ZNF385B: variants seen among roughly 807,000 people sequenced by gnomAD.
The protein encoded by ZNF385B is zinc finger protein 385B, also known as zinc finger protein 533.
Under a neutral mutation model 39.2 loss-of-function variants are expected in ZNF385B, and 23 were observed. The observed-to-expected ratio is 0.59, with a 90% CI of 0.42 to 0.83. The LOEUF (loss-of-function observed/expected upper bound fraction) is 0.83, where lower values mean the gene tolerates loss of function less well. Among genes scored for constraint, ZNF385B ranks in the 40% least tolerant of loss-of-function variants. ZNF385B has a pLI of 0.00. For synonymous variants in ZNF385B, 205 were observed against 222.6 expected, an observed-to-expected ratio of 0.92 and a Z score of 0.70; for missense variants, 552 against 598.9, an observed-to-expected ratio of 0.92 and a Z score of 0.82.
intron 6 of ZNF385B, among the ~76,000 whole-genome samples, chr2:179,479,890 T>G (rs939130280): frequency 1.3e-5 from 2 of 152,120 alleles, no homozygotes; most frequent in African/African-American, 4.8e-5. Context: ...ACAAGTTTCT[T>G]GTTGAATACC....
chr2:179,607,338 TGTTCTCATGATAGTGAGAGA>T (rs1269776672), intron 3 of ZNF385B, among the ~76,000 whole-genome samples: 2 of 152,138 alleles, frequency 1.3e-5, no homozygotes, highest in African/African-American at 4.8e-5. Flanking sequence ...TTCCCCATGC[TGTTCTCATGATAGTGAGAGA>T]GTTCTCATGA....
chr2:179,712,208 CT>C (rs1486101745), intron 3 of ZNF385B, among the ~76,000 whole-genome samples: 1 of 152,176 alleles, frequency 6.6e-6, no homozygotes, highest in African/African-American at 2.4e-5. Context: ...CTTTCTCCCA[CT>C]GATAATACTA....
intron 3 of ZNF385B, among the ~76,000 whole-genome samples, chr2:179,633,538 T>G (rs1575043635): frequency 6.6e-6 from 1 of 152,180 alleles, no homozygotes; most frequent in South Asian, 2.1e-4. Flanking sequence ...AATTAGGTAT[T>G]GATGGAATGT....
At chr2:179,840,039 G>C (rs1427206542) in intron 1 of ZNF385B, among the ~76,000 whole-genome samples, 1 of 152,246 alleles carries the variant, frequency 6.6e-6, no homozygotes, top group African/African-American at 2.4e-5. Context: ...GCACAGGGTA[G>C]ACAAGGGTGA....
At chr2:179,527,834 T>G (rs1311541265) in intron 4 of ZNF385B, among the ~76,000 whole-genome samples, 1 of 152,134 alleles carries the variant, frequency 6.6e-6, no homozygotes, top group African/African-American at 2.4e-5. Context: ...TGACATACAG[T>G]GGAGAATAGG....
At chr2:179,479,884 G>A (rs1559303838) in intron 6 of ZNF385B, among the ~76,000 whole-genome samples, 1 of 152,058 alleles carries the variant, frequency 6.6e-6, no homozygotes, top group Non-Finnish European at 1.5e-5. Flanking sequence ...TGGGTCACAA[G>A]TTTCTTGTTG....
chr2:179,817,493 C>T (rs1243480428), intron 1 of ZNF385B, among the ~76,000 whole-genome samples: 1 of 152,214 alleles, frequency 6.6e-6, no homozygotes, highest in African/African-American at 2.4e-5. Context: ...ATTAATTTCA[C>T]TCCAAATGTA....
intron 3 of ZNF385B, among the ~76,000 whole-genome samples, chr2:179,607,374 G>C (rs962918787): frequency 1.3e-5 from 2 of 152,058 alleles, no homozygotes; most frequent in Non-Finnish European, 2.9e-5. Context: ...CATGAGATCT[G>C]ATGGTTTAAA....
chr2:179,593,806 T>A (rs1687771933), intron 3 of ZNF385B, among the ~76,000 whole-genome samples: 1 of 152,196 alleles, frequency 6.6e-6, no homozygotes, highest in Non-Finnish European at 1.5e-5. Flanking sequence ...GTTTAGAGAA[T>A]GAAAGGGGAT....
intron 3 of ZNF385B, among the ~76,000 whole-genome samples, chr2:179,757,537 T>A (rs935992084): frequency 6.6e-6 from 1 of 152,204 alleles, no homozygotes. Context: ...TGCCTTTTGT[T>A]TGGCTATGCC....
chr2:179,502,987 A>G (rs1219985350), intron 5 of ZNF385B, among the ~76,000 whole-genome samples: 1 of 151,900 alleles, frequency 6.6e-6, no homozygotes, highest in Non-Finnish European at 1.5e-5. Flanking sequence ...CAATCTCCCC[A>G]CCTCAGCCTA....
chr2:179,493,710 C>CGTATATACAT (rs2055686815), intron 5 of ZNF385B, among the ~76,000 whole-genome samples: 1 of 51,686 alleles, frequency 1.9e-5, no homozygotes, highest in South Asian at 6.2e-4. Context: ...TATGTATACA[C>CGTATATACAT]ATATGCATAT....
At chr2:179,813,694 T>C (rs1011302512) in intron 1 of ZNF385B, among the ~76,000 whole-genome samples, 1 of 152,176 alleles carries the variant, frequency 6.6e-6, no homozygotes, top group African/African-American at 2.4e-5. Flanking sequence ...GCAAGGACTG[T>C]CTCATAAAGC....
At chr2:179,684,007 C>T (rs767227735) in intron 3 of ZNF385B, among the ~76,000 whole-genome samples, 7 of 151,950 alleles carry the variant, frequency 4.6e-5, no homozygotes, top group African/African-American at 1.7e-4. Context: ...AAATAAGAAA[C>T]GTTATAAATT....
At chr2:179,858,821 A>C (rs1213821207) in intron 1 of ZNF385B, among the ~76,000 whole-genome samples, 2 of 152,242 alleles carry the variant, frequency 1.3e-5, no homozygotes, top group Non-Finnish European at 2.9e-5. Context: ...ATGTGAACAA[A>C]GACTCACTCC....
intron 9 of ZNF385B, among the ~76,000 whole-genome samples, chr2:179,444,185 CAG>C (rs969531431): frequency 6.6e-5 from 10 of 152,348 alleles, no homozygotes; most frequent in Non-Finnish European, 1.5e-4. Context: ...CAGCATCAGA[CAG>C]AGGCTTTGGA....
At chr2:179,493,759 ATATG>A (rs1379808335) in intron 5 of ZNF385B, among the ~76,000 whole-genome samples, 1 of 88,394 alleles carries the variant, frequency 1.1e-5, no homozygotes, top group Non-Finnish European at 2.6e-5. Flanking sequence ...GTATATACAT[ATATG>A]TATACATATA....
At chr2:179,753,862 A>G (rs1185478455) in intron 3 of ZNF385B, among the ~76,000 whole-genome samples, 5 of 152,204 alleles carry the variant, frequency 3.3e-5, no homozygotes, top group Admixed American at 1.3e-4. Flanking sequence ...TAAAGACACA[A>G]TCATGTCATC....
intron 6 of ZNF385B, among the ~76,000 whole-genome samples, chr2:179,454,599 C>G (rs2105439281): frequency 6.6e-6 from 1 of 152,200 alleles, no homozygotes; most frequent in Non-Finnish European, 1.5e-5. Context: ...TATGACAGCT[C>G]CACTGTGTAA....
Sources: gnomAD v4.1 joint callset for allele counts (sites outside exome capture counted in the v4.1 genomes callset) on GRCh38, gnomAD v4.1.1 for gene constraint, MANE v1.5 for transcripts, NCBI Gene and HGNC (gene_info 2026-07-23, HGNC 2026-07-21) for gene names.